Variants in KCNG3 observed in about 807,000 individuals in gnomAD.
The protein encoded by KCNG3 is voltage-gated potassium channel regulatory subunit KCNG3.
In KCNG3, 15 loss-of-function variants were observed where a neutral mutation model predicts 29.0. The ratio of observed to expected loss-of-function variants is 0.52; its 90% CI spans 0.35 to 0.80. The LOEUF (loss-of-function observed/expected upper bound fraction) is 0.80, where lower values mean the gene tolerates loss of function less well. Ranked by LOEUF, KCNG3 falls within the 30% of genes least tolerant of loss-of-function variation. The probability of loss-of-function intolerance (pLI) is 0.01; values close to 1 mark genes in which losing one functional copy is unlikely to be tolerated. For missense variants in KCNG3, 512 were observed against 605.7 expected (o/e 0.85, Z 1.62); for synonymous variants, 322 against 248.9 (o/e 1.29, Z -2.76).
Position 42,444,726 on chromosome 2 carries a change from C to T in KCNG3, c.666-147G>A. On this transcript the variant is annotated intron_variant, in intron 1 of 1. Transcript: ENST00000306078. The surrounding 1 kb of genome is among the most constrained non-coding windows in gnomAD (Gnocchi z 5.8). ...GAACAGACAACATTAGCAACATCAT[C>T]AGACCACCAGGATGCACGCAACAGA... 1 of 695,836 alleles carries T rather than the reference C, an allele frequency of 1.4e-6. No homozygotes were observed. Among genetic ancestry groups the T allele is most frequent in the South Asian group, 2.0e-5 (1 of 49,752 alleles). 43.1% of individuals were successfully genotyped at this position (695,836 alleles called of 1,614,324 possible). A position where few individuals can be genotyped will look rare whatever the true frequency, so the allele number is the denominator to read the frequency against.
intron 1 of KCNG3, among the ~76,000 whole-genome samples, chr2:42,451,112 G>T (rs982104747): frequency 7.0e-6 from 1 of 143,640 alleles, no homozygotes; most frequent in African/African-American, 2.6e-5. Context: ...GACTGAGGCA[G>T]GAGAACTGCT....
At chr2:42,431,101 T>C in the KCNG3 span, among the ~76,000 whole-genome samples, 1 of 141,978 alleles carries the variant, frequency 7.0e-6, no homozygotes, top group East Asian at 2.3e-4. Flanking sequence ...AGCGAGACCC[T>C]GTCTCCAAAA....
Position 42,444,420 on chromosome 2 carries a change from T to C in KCNG3, c.825A>G (p.Thr275=). The C allele has an allele frequency of 6.2e-7, 1 of 1,614,190 alleles. No individual in the cohort carries two copies. Among genetic ancestry groups the C allele is most frequent in the Non-Finnish European group, 8.5e-7 (1 of 1,180,038 alleles). Residue 275 remains threonine, a synonymous_variant, in exon 2 of 2, where the codon ACA becomes ACG. Coordinates refer to ENST00000306078, the MANE Select transcript of KCNG3 (RefSeq NM_133329.6). The surrounding 1 kb of genome is among the most constrained non-coding windows in gnomAD (Gnocchi z 5.8). ...YYISVLMTVF[T]GENSQLQRAG... Reference sequence around the variant, plus strand: ...CCCTCTGGAGTTGAGAGTTCTCGCCTGTAAACACTGTCATCAACACAGAGA... The same window carrying C: ...CCCTCTGGAGTTGAGAGTTCTCGCCCGTAAACACTGTCATCAACACAGAGA...
chr2:42,428,154 T>C, the KCNG3 span, among the ~76,000 whole-genome samples: 450 of 151,390 alleles, frequency 3.0e-3, 3 homozygotes, highest in African/African-American at 9.6e-3. Flanking sequence ...AATAACAAGG[T>C]AGATTTTTTT....
At chr2:42,397,015 T>C in the KCNG3 span, among the ~76,000 whole-genome samples, 1 of 152,012 alleles carries the variant, frequency 6.6e-6, no homozygotes, top group African/African-American at 2.4e-5. Context: ...TCCCAGCACT[T>C]TGGGAGGCCA....
chr2:42,492,338 G>A (rs1039541546), intron 1 of KCNG3, among the ~76,000 whole-genome samples: 13 of 152,124 alleles, frequency 8.5e-5, no homozygotes, highest in Admixed American at 2.0e-4. Flanking sequence ...ATAATATAAC[G>A]ATTCCATTAC....
chr2:42,401,491 G>A, the KCNG3 span, among the ~76,000 whole-genome samples: 1 of 151,718 alleles, frequency 6.6e-6, no homozygotes, highest in African/African-American at 2.4e-5. Context: ...TCCCAGGCTG[G>A]AGTGCAGCGG....
intron 1 of KCNG3, among the ~76,000 whole-genome samples, chr2:42,452,388 G>A (rs989898248): frequency 6.6e-6 from 1 of 151,306 alleles, no homozygotes; most frequent in Non-Finnish European, 1.5e-5. Flanking sequence ...TACTTTTTTA[G>A]TTACTTTAAA....
intron 1 of KCNG3, among the ~76,000 whole-genome samples, chr2:42,471,521 AGTAG>A (rs1416730353): frequency 1.3e-5 from 2 of 152,112 alleles, no homozygotes; most frequent in African/African-American, 2.4e-5. Flanking sequence ...CTACCTAACA[AGTAG>A]GTTTCTTTTT....
intron 1 of KCNG3, among the ~76,000 whole-genome samples, chr2:42,449,947 G>A (rs957290334): frequency 3.9e-5 from 6 of 152,114 alleles, no homozygotes; most frequent in African/African-American, 1.2e-4. Context: ...CACAAGCAAG[G>A]GCACTGAACT....
At chr2:42,446,700 T>C (rs1262417591) in intron 1 of KCNG3, among the ~76,000 whole-genome samples, 1 of 152,134 alleles carries the variant, frequency 6.6e-6, no homozygotes, top group East Asian at 1.9e-4. Flanking sequence ...ATGTTACTCA[T>C]AAAAATGAAT....
the KCNG3 span, among the ~76,000 whole-genome samples, chr2:42,398,136 T>C: frequency 7.2e-5 from 11 of 151,870 alleles, no homozygotes; most frequent in Admixed American, 2.6e-4. Flanking sequence ...GGCGGAAGAA[T>C]GGCGTGATCC....
the KCNG3 span, among the ~76,000 whole-genome samples, chr2:42,398,917 G>A: frequency 6.6e-6 from 1 of 152,192 alleles, no homozygotes; most frequent in Non-Finnish European, 1.5e-5. Context: ...CTCTGCCTGG[G>A]CAGGAATCGC....
intron 1 of KCNG3, chr2:42,470,110 G>T (rs1673249530): frequency 4.2e-6 from 2 of 473,698 alleles, no homozygotes; most frequent in Admixed American, 3.4e-5. Flanking sequence ...CTGTTCAAAA[G>T]CATCTTGAGA....
At chr2:42,456,339 G>A (rs564306855) in intron 1 of KCNG3, among the ~76,000 whole-genome samples, 81 of 152,058 alleles carry the variant, frequency 5.3e-4, no homozygotes, top group African/African-American at 1.9e-3. Context: ...GTCCAGTCTG[G>A]GCAACATGTC....
the KCNG3 span, among the ~76,000 whole-genome samples, chr2:42,432,334 CA>C: frequency 6.6e-6 from 1 of 152,206 alleles, no homozygotes; most frequent in African/African-American, 2.4e-5. Context: ...TCCTCCACCC[CA>C]GTAATTCAGT....
rs1033646354 is a variant in KCNG3 at position 42,493,053 on chromosome 2, G to C, written c.449C>G (p.Ser150Cys). Residue 150 changes from serine to cysteine, a missense_variant, in exon 1 of 2, where the codon TCC (serine) becomes TGC (cysteine). This residue lies in a region of KCNG3 where 228 missense variants were observed against 200.0 expected (regional missense o/e 1.14). Coordinates refer to ENST00000306078, the MANE Select transcript of KCNG3 (RefSeq NM_133329.6). ...ARPGGAEAAPSRRWLERMRRT... is the reference protein window; with the variant it reads ...ARPGGAEAAPCRRWLERMRRT... ...CCGCATGCGCTCCAGCCAGCGCCTG[G>C]AGGGAGCCGCCTCGGCCCCGCCGGG... 7.9e-6 allele frequency: 12 copies of C among 1,526,224 alleles called. No individual in the cohort carries two copies. Among genetic ancestry groups the C allele is most frequent in the Non-Finnish European group, 1.1e-5 (12 of 1,141,264 alleles). The allele number at this position is 1,526,224 out of a possible 1,614,324, so 94.5% of individuals were successfully genotyped here. A position where few individuals can be genotyped will look rare whatever the true frequency, so the allele number is the denominator to read the frequency against.
chr2:42,478,766 G>C (rs1301220278), intron 1 of KCNG3, among the ~76,000 whole-genome samples: 2 of 152,026 alleles, frequency 1.3e-5, no homozygotes, highest in Admixed American at 6.6e-5. Context: ...GTCCCGTCTT[G>C]GTTATGCCTC....
chr2:42,491,585 T>A (rs1262797840), intron 1 of KCNG3, among the ~76,000 whole-genome samples: 4 of 152,224 alleles, frequency 2.6e-5, no homozygotes, highest in African/African-American at 9.6e-5. Flanking sequence ...CTCTTATCTG[T>A]AAATTCAAAA....
Sources: allele counts gnomAD v4.1 joint callset (sites outside exome capture counted in the v4.1 genomes callset), GRCh38; gene constraint gnomAD v4.1.1; regional missense constraint gnomAD v4.1.1; non-coding constraint Gnocchi (gnomAD v3.1); transcripts MANE v1.5; gene names NCBI Gene and HGNC (gene_info 2026-07-23, HGNC 2026-07-21).